Variants in PCDH15 observed in about 807,000 individuals in gnomAD.
The protein encoded by PCDH15 is protocadherin-15.
In PCDH15, 129 loss-of-function variants were observed where a neutral mutation model predicts 178.5. That is an observed-to-expected ratio of 0.72 (90% CI 0.63 to 0.84). The LOEUF (loss-of-function observed/expected upper bound fraction) is 0.84, where lower values mean the gene tolerates loss of function less well. Among genes scored for constraint, PCDH15 ranks in the 40% least tolerant of loss-of-function variants. The probability of loss-of-function intolerance (pLI) is 0.00; values close to 1 mark genes in which losing one functional copy is unlikely to be tolerated. For missense variants in PCDH15, 2,230 were observed against 2,099.9 expected, an observed-to-expected ratio of 1.06 and a Z score of -1.21; for synonymous variants, 800 against 732.0, an observed-to-expected ratio of 1.09 and a Z score of -1.50.
intron 1 of PCDH15, among the ~76,000 whole-genome samples, chr10:54,708,425 C>T (rs2095390034): frequency 6.6e-6 from 1 of 151,998 alleles, no homozygotes; most frequent in African/African-American, 2.4e-5. Flanking sequence ...TATTTTTTAT[C>T]CAGATGATAA....
Position 53,857,246 on chromosome 10 carries a change from C to A in PCDH15, c.3735G>T (p.Gln1245His). The A allele has an allele frequency of 6.2e-7, 1 of 1,611,368 alleles. No individual in the cohort carries two copies. The highest frequency in any genetic ancestry group is 1.1e-5 in the South Asian group (1 of 90,998). The change falls in exon 28 of 38, where the codon CAG becomes CAT. Residue 1245 changes from glutamine (Q) to histidine (H), a missense_variant. Coordinates refer to ENST00000644397, the MANE Select transcript of PCDH15 (RefSeq NM_001384140.1). ...TGGAAACAATGACTTGCATATCCAG[C>A]TGATTGACCACGGAGACCTGAAAGA... ...KADVLVSVVN[Q>H]LDMQVIVSNV...
At chr10:54,379,020 C>T (rs1948847576) in intron 3 of PCDH15, 78 bp from the exon 4 acceptor site, 19 of 1,523,010 alleles carry the variant, frequency 1.2e-5, no homozygotes, top group East Asian at 4.5e-5. Context: ...TCTTAAACCG[C>T]GGCTGGCTCA....
chr10:53,905,346 T>C (rs1564734479), intron 25 of PCDH15: 1 of 444,990 alleles, frequency 2.2e-6, no homozygotes, highest in Non-Finnish European at 4.5e-6. Flanking sequence ...CTTTTTCTTG[T>C]TTTTTGAGAT....
intron 2 of PCDH15, among the ~76,000 whole-genome samples, chr10:54,627,694 A>G (rs1386171499): frequency 6.6e-6 from 1 of 152,196 alleles, no homozygotes; most frequent in Non-Finnish European, 1.5e-5. Context: ...TTATTTTAGC[A>G]ATGTTGATGT....
At chr10:55,537,363 T>C (rs950075379) in intron 2 of PCDH15, among the ~76,000 whole-genome samples, 1 of 152,160 alleles carries the variant, frequency 6.6e-6, no homozygotes, top group African/African-American at 2.4e-5. Context: ...TACACACCAA[T>C]ACTGAACACC....
intron 1 of PCDH15, among the ~76,000 whole-genome samples, chr10:54,796,278 CTATG>C (rs59394821): frequency 0.1 from 11,268 of 111,130 alleles, 486 homozygotes; most frequent in East Asian, 0.12. Context: ...ATCTATGTAT[CTATG>C]TATCTATCTA....
chr10:55,479,136 T>C (rs1283913037), intron 2 of PCDH15, among the ~76,000 whole-genome samples: 3 of 151,346 alleles, frequency 2.0e-5, no homozygotes, highest in Non-Finnish European at 3.0e-5. Flanking sequence ...TCCAAACCCA[T>C]TATATGAGGT....
At chr10:55,586,351 G>C (rs148136202) in intron 2 of PCDH15, among the ~76,000 whole-genome samples, 175 of 151,680 alleles carry the variant, frequency 1.2e-3, no homozygotes, top group Non-Finnish European at 2.1e-3. Context: ...TTTGATTAAA[G>C]ACCAAATGCC....
chr10:54,999,978 G>A (rs945857240), intron 2 of PCDH15, among the ~76,000 whole-genome samples: 1 of 152,136 alleles, frequency 6.6e-6, no homozygotes, highest in South Asian at 2.1e-4. Context: ...TGCTTCACAA[G>A]GTAATAAGAT....
chr10:55,400,477 C>T (rs1347284136), intron 2 of PCDH15, among the ~76,000 whole-genome samples: 3 of 152,220 alleles, frequency 2.0e-5, no homozygotes, highest in South Asian at 4.1e-4. Flanking sequence ...TAGAATAAAA[C>T]GAAAACAGAG....
At chr10:55,374,681 G>A (rs910415806) in intron 2 of PCDH15, among the ~76,000 whole-genome samples, 20 of 151,712 alleles carry the variant, frequency 1.3e-4, no homozygotes, top group African/African-American at 4.8e-4. Context: ...ATTCTATACA[G>A]TTACTACCCA....
chr10:54,160,232 T>C (rs1314939714), intron 13 of PCDH15, among the ~76,000 whole-genome samples: 1 of 152,164 alleles, frequency 6.6e-6, no homozygotes, highest in African/African-American at 2.4e-5. Context: ...TTCATCACAC[T>C]ACTGAAAATG....
At chr10:54,149,284 T>G (rs915231928) in intron 14 of PCDH15, among the ~76,000 whole-genome samples, 4 of 152,250 alleles carry the variant, frequency 2.6e-5, no homozygotes, top group Admixed American at 6.6e-5. Context: ...TACTGTATTT[T>G]GGGGGCTTTC....
At chr10:54,663,685 T>C (rs2094525722) in intron 2 of PCDH15, among the ~76,000 whole-genome samples, 1 of 119,332 alleles carries the variant, frequency 8.4e-6, no homozygotes, top group Admixed American at 8.1e-5. Flanking sequence ...CATTTTTCTA[T>C]TCTTCCCAAA....
At chr10:55,549,349 G>C (rs1589131416) in intron 2 of PCDH15, among the ~76,000 whole-genome samples, 1 of 151,998 alleles carries the variant, frequency 6.6e-6, no homozygotes, top group Non-Finnish European at 1.5e-5. Flanking sequence ...AATTATTATA[G>C]AAAACAAAAT....
intron 2 of PCDH15, among the ~76,000 whole-genome samples, chr10:55,344,502 CT>C (rs1262854564): frequency 6.6e-6 from 1 of 152,002 alleles, no homozygotes; most frequent in African/African-American, 2.4e-5. Flanking sequence ...AAAATCAAAA[CT>C]TTTCACTAAC....
At chr10:53,920,458 A>T (rs2083905170) in intron 25 of PCDH15, among the ~76,000 whole-genome samples, 5 of 152,090 alleles carry the variant, frequency 3.3e-5, no homozygotes, top group Admixed American at 3.3e-4. Context: ...ATATAATTTA[A>T]AAAAATCAAA....
At chr10:54,007,288 A>T (rs1012922715) in intron 20 of PCDH15, among the ~76,000 whole-genome samples, 2 of 152,168 alleles carry the variant, frequency 1.3e-5, no homozygotes, top group Non-Finnish European at 2.9e-5. Flanking sequence ...ATTTGCTTAT[A>T]TCATCTAATT....
chr10:53,998,362 T>A (rs2091956450), intron 20 of PCDH15, among the ~76,000 whole-genome samples: 1 of 152,102 alleles, frequency 6.6e-6, no homozygotes, highest in Non-Finnish European at 1.5e-5. Flanking sequence ...TAAAAAATGG[T>A]TATACTCATA....
Sources: allele counts gnomAD v4.1 joint callset (sites outside exome capture counted in the v4.1 genomes callset), GRCh38; gene constraint gnomAD v4.1.1; transcripts MANE v1.5; gene names NCBI Gene and HGNC (gene_info 2026-07-23, HGNC 2026-07-21).